CDC42BPG: variants seen among roughly 807,000 people sequenced by gnomAD.
CDC42BPG encodes CDC42 binding protein kinase gamma.
Under a neutral mutation model 192.2 loss-of-function variants are expected in CDC42BPG, and 157 were observed. That is an observed-to-expected ratio of 0.82 (90% CI 0.72 to 0.93). CDC42BPG has a LOEUF of 0.93. Ranked by LOEUF, CDC42BPG falls within the 40% of genes least tolerant of loss-of-function variation. CDC42BPG has a pLI of 0.00. For synonymous variants in CDC42BPG, 981 were observed against 918.5 expected, an observed-to-expected ratio of 1.07 and a Z score of -1.23; for missense variants, 1,992 against 2,122.1, an observed-to-expected ratio of 0.94 and a Z score of 1.20.
Position 64,835,076 on chromosome 11 carries a change from C to T in CDC42BPG, c.2031G>A (p.Trp677Ter). ...EGERRETESN[W>*]EAQLADILSW... ...TGAGGATGTCGGCGAGCTGGGCCTC[C>T]CAGTTGCTCTCCGTCTCCCGCCGCT... is the stretch of plus-strand genomic sequence containing the variant. The change falls in exon 17 of 37, where the codon TGG becomes TGA. Residue 677 changes from tryptophan (W) to a stop codon, truncating the protein, a stop_gained. Transcript: ENST00000342711. LOFTEE classifies it high-confidence loss of function. 1 of 1,603,030 alleles carries T rather than the reference C, an allele frequency of 6.2e-7. No individual in the cohort carries two copies. Among genetic ancestry groups the T allele is most frequent in the Non-Finnish European group, 8.5e-7 (1 of 1,179,804 alleles).
chr11:64,839,574 G>A lies in CDC42BPG; in HGVS notation c.582-3C>T. On this transcript the variant is annotated splice_region_variant and splice_polypyrimidine_tract_variant and intron_variant, in intron 5 of 36. Coordinates refer to ENST00000342711, the MANE Select transcript of CDC42BPG (RefSeq NM_017525.3). ...GGACGTTGTCTGGCTTGACATCCCT[G>A]GGGGATGGCAGGCAGGGAGAGTGAG... is the stretch of plus-strand genomic sequence containing the variant. 2 of 1,609,960 alleles carry A rather than the reference G, an allele frequency of 1.2e-6. No homozygotes were observed. The highest frequency in any genetic ancestry group is 4.5e-5 in the East Asian group (2 of 44,828).
intron 11 of CDC42BPG, 76 bp from the exon 12 acceptor site, chr11:64,836,606 T>C: frequency 7.2e-7 from 1 of 1,381,374 alleles, no homozygotes; most frequent in African/African-American, 1.4e-5. Context: ...CTCCTTGGCC[T>C]GTTTCCCACA....
At chr11:64,835,877 C>T (rs375834025) in intron 13 of CDC42BPG, 26 bp from the exon 14 acceptor site, 2 of 1,584,426 alleles carry the variant, frequency 1.3e-6, no homozygotes, top group Non-Finnish European at 1.7e-6. Flanking sequence ...AGGCAGGCCA[C>T]TGCCAACTCT....
At chr11:64,832,788 C>T in intron 25 of CDC42BPG, 38 bp downstream of exon 25, 3 of 1,592,598 alleles carry the variant, frequency 1.9e-6, no homozygotes, top group Non-Finnish European at 1.7e-6. Flanking sequence ...ACCCTCAGCC[C>T]CCCATGCCCA....
In CDC42BPG at chr11:64,844,508, C is replaced by G. The variant is rs1943419230; in HGVS notation, c.62G>C (p.Gly21Ala). The G allele has an allele frequency of 1.5e-6, 2 of 1,346,166 alleles. No homozygotes were observed. The highest frequency in any genetic ancestry group is 3.1e-5 in the African/African-American group (2 of 65,198). The allele number at this position is 1,346,166 out of a possible 1,614,324, so 83.4% of individuals were successfully genotyped here. ...CAGCAGATCTAGGAGGCCGTCGAGC[C>G]CCGGGCAGCCGCCGGCCTCGCCCCG... Reference protein sequence around the residue: ...LARGEAGGCPGLDGLLDLLLA... With the variant: ...LARGEAGGCPALDGLLDLLLA... The change falls in exon 1 of 37, where the codon GGG (glycine) becomes GCG (alanine). Residue 21 changes from glycine (G) to alanine (A), a missense_variant. Physicochemically the swap from Gly to Ala is moderately conservative, Grantham distance 60 (BLOSUM62 0). Coordinates refer to ENST00000342711, the MANE Select transcript of CDC42BPG (RefSeq NM_017525.3).
At chr11:64,835,200 G>C in intron 16 of CDC42BPG, 47 bp from the exon 17 acceptor site, 2 of 1,602,046 alleles carry the variant, frequency 1.2e-6, no homozygotes, top group South Asian at 1.1e-5. Flanking sequence ...CAGCAGTCCT[G>C]GGACTGCCGT....
rs1192864769 is a variant in CDC42BPG, at chr11:64,836,705, C to CCGGGGGGGG, written c.1384+33_1384+34insCCCCCCCCG. On this transcript the variant is annotated intron_variant, in intron 11 of 36. Transcript: ENST00000342711. The stretch of plus-strand genomic sequence containing the variant: ...ACCCGAGCCCAGGTGGGACTCAGCC[C>CCGGGGGGGG]TGGGGGGGGGGGGGGGGTGGGCGGA... 2.8e-3 allele frequency: 991 copies of CCGGGGGGGG among 348,856 alleles called. 268 individuals are homozygous for CCGGGGGGGG. The highest frequency in any genetic ancestry group is 4.9e-3 in the South Asian group (144 of 29,420). 21.6% of individuals were successfully genotyped at this position (348,856 alleles called of 1,614,324 possible).
In CDC42BPG at chr11:64,835,373, G is replaced by A. The variant is rs955584028; in HGVS notation, c.1927C>T (p.Arg643Trp). 9 of 1,613,908 alleles carry A rather than the reference G, an allele frequency of 5.6e-6. No individual in the cohort carries two copies. Among genetic ancestry groups the A allele is most frequent in the African/African-American group, 2.7e-5 (2 of 75,030 alleles). Residue 643 changes from arginine (R) to tryptophan (W), a missense_variant, in exon 16 of 37, where the codon CGG becomes TGG. This residue lies in a region of CDC42BPG where 1,656 missense variants were observed against 1,844.3 expected (regional missense o/e 0.90). Transcript: ENST00000342711. ...EALCQLQEEN[R>W]RLSREQERLE... ...CGCTCCTGCTCCCGGCTCAGCCTCC[G>A]GTTTTCCTCCTGCAGCTGGCACAGA...
rs1335286332 is a variant in CDC42BPG at position 64,840,118 on chromosome 11, A to C, written c.581+2T>G. The C allele has an allele frequency of 6.2e-7, 1 of 1,610,962 alleles. No homozygotes were observed. The highest frequency in any genetic ancestry group is 1.1e-5 in the South Asian group (1 of 90,870). On this transcript the variant is annotated splice_donor_variant, in intron 5 of 36. Coordinates refer to ENST00000342711, the MANE Select transcript of CDC42BPG (RefSeq NM_017525.3). LOFTEE classifies it high-confidence loss of function. ...GGCAGGGCAGCGGGGTTGGGGCCCC[A>C]CCTGTGGACATAACCCAGCTGGTGC...
chr11:64,835,076 C>G lies in CDC42BPG; in HGVS notation c.2031G>C (p.Trp677Cys). Residue 677 changes from tryptophan (W) to cysteine (C), a missense_variant, in exon 17 of 37, where the codon TGG becomes TGC. By Grantham distance (215) the Trp-to-Cys change is radical. Transcript: ENST00000342711. The stretch of plus-strand genomic sequence containing the variant: ...TGAGGATGTCGGCGAGCTGGGCCTC[C>G]CAGTTGCTCTCCGTCTCCCGCCGCT... Reference protein sequence around the residue: ...EGERRETESNWEAQLADILSW... With the variant: ...EGERRETESNCEAQLADILSW... 6.2e-7 allele frequency: 1 copy of G among 1,603,030 alleles called. No individual in the cohort carries two copies. The highest frequency in any genetic ancestry group is 8.5e-7 in the Non-Finnish European group (1 of 1,179,804).
chr11:64,827,349 C>T lies in CDC42BPG; in HGVS notation c.4200G>A (p.Gln1400=). ...IPDLTDNSRR[Q]LFRTKSKRRF... ...GGCGCTTGCTCTTGGTGCGGAACAG[C>T]TGGCGCCGGCTGTTGTCGGTGAGGT... is the stretch of plus-strand genomic sequence containing the variant. The change falls in exon 33 of 37, where the codon CAG becomes CAA. Residue 1400 remains glutamine, a synonymous_variant. Transcript: ENST00000342711. 6.2e-7 allele frequency: 1 copy of T among 1,614,126 alleles called. No homozygotes were observed. Among genetic ancestry groups the T allele is most frequent in the South Asian group, 1.1e-5 (1 of 91,084 alleles).
At position 64,834,348 on chromosome 11, in the gene CDC42BPG, C is replaced by T. The variant is rs1258896267; in HGVS notation, c.2331G>A (p.Leu777=). 6 of 1,570,108 alleles carry T rather than the reference C, an allele frequency of 3.8e-6. No homozygotes were observed. The Admixed American group carries it at 1.1e-4, about 29-fold the overall frequency. The change falls in exon 20 of 37, where the codon CTG becomes CTA. Residue 777 remains leucine, a synonymous_variant. Transcript: ENST00000342711. The stretch of plus-strand genomic sequence containing the variant: ...CCTGGCTCTGCTTCTCGGCCTCCTG[C>T]AGACGGCTGGGGAGAATGGCAAGGG... ...QEAQLQAERR[L]QEAEKQSQAL...
rs776875707 is a variant in CDC42BPG at position 64,827,266 on chromosome 11, G to T, written c.4271+12C>A. 3.1e-6 allele frequency: 5 copies of T among 1,613,270 alleles called. No individual in the cohort carries two copies. Among genetic ancestry groups the T allele is most frequent in the Admixed American group, 3.3e-5 (2 of 59,970 alleles). On this transcript the variant is annotated intron_variant, in intron 33 of 36. Coordinates refer to ENST00000342711, the MANE Select transcript of CDC42BPG (RefSeq NM_017525.3). ...CCCACCCAGCCTCAGCCCCCGCGTC[G>T]TGCACGCGCACCTGCGCTGCTGCTT...
At chr11:64,827,487 A>C (rs1383655639) in intron 32 of CDC42BPG, 40 bp downstream of exon 32, 2 of 1,604,378 alleles carry the variant, frequency 1.2e-6, no homozygotes, top group South Asian at 1.1e-5. Context: ...ACACGTGCGC[A>C]CTGGGGAACG....
chr11:64,835,017 T>TTGCCCCCCCCCCC, intron 17 of CDC42BPG, 30 bp downstream of exon 17: 46 of 1,571,856 alleles, frequency 2.9e-5, no homozygotes, highest in African/African-American at 4.0e-5. Context: ...TCGCCTGCGT[T>TTGCCCCCCCCCCC]CCCCACCCCG....
chr11:64,836,882 G>A, intron 10 of CDC42BPG, 40 bp downstream of exon 10: 1 of 1,611,012 alleles, frequency 6.2e-7, no homozygotes, highest in Non-Finnish European at 8.5e-7. Context: ...GCAGCCCCTA[G>A]GGCCAGCACA....
intron 1 of CDC42BPG, among the ~76,000 whole-genome samples, chr11:64,844,198 G>C (rs970579741): frequency 1.3e-5 from 2 of 152,130 alleles, no homozygotes; most frequent in South Asian, 2.1e-4. Flanking sequence ...TCTGTGAGAG[G>C]GAGAGAGCGT....
intron 36 of CDC42BPG, among the ~76,000 whole-genome samples, chr11:64,826,048 C>G (rs1202807537): frequency 8.2e-6 from 1 of 122,026 alleles, no homozygotes; most frequent in Non-Finnish European, 1.6e-5. Context: ...GTCTGGGTGA[C>G]AGAGTGAGAC....
chr11:64,840,423 A>G (rs1592723128), intron 4 of CDC42BPG, 130 bp downstream of exon 4: 1 of 1,387,632 alleles, frequency 7.2e-7, no homozygotes, highest in Non-Finnish European at 9.9e-7. Context: ...CGCCAAGCCC[A>G]GGAACTGGTG....
Sources: allele counts gnomAD v4.1 joint callset (sites outside exome capture counted in the v4.1 genomes callset), GRCh38; gene constraint gnomAD v4.1.1; regional missense constraint gnomAD v4.1.1; transcripts MANE v1.5; gene names NCBI Gene and HGNC (gene_info 2026-07-23, HGNC 2026-07-21).